The following LEPR variants were observed in gnomAD, a reference collection of about 807,000 sequenced individuals.
LEPR encodes leptin receptor, also known as OB receptor.
In LEPR, 56 loss-of-function variants were observed where a neutral mutation model predicts 114.7. The observed-to-expected ratio is 0.49, with a 90% CI of 0.39 to 0.61. LEPR has a LOEUF of 0.61. Ranked by LOEUF, LEPR falls within the 20% of genes least tolerant of loss-of-function variation. LEPR has a pLI of 0.00. For synonymous variants in LEPR, 443 were observed against 461.4 expected (o/e 0.96, Z 0.51); for missense variants, 1,202 against 1,352.9 (o/e 0.89, Z 1.75).
chr1:65,521,147 G>T (rs193215972), intron 2 of LEPR, among the ~76,000 whole-genome samples: 1 of 152,320 alleles, frequency 6.6e-6, no homozygotes, highest in Admixed American at 6.5e-5. Flanking sequence ...GATGATTCTG[G>T]TGTTAGCTCT....
At chr1:65,488,183 T>G (rs1374028477) in intron 2 of LEPR, among the ~76,000 whole-genome samples, 1 of 20,364 alleles carries the variant, frequency 4.9e-5, no homozygotes, top group African/African-American at 1.9e-4. Flanking sequence ...TTTCTTTCTT[T>G]CTTTCTTTCT....
intron 19 of LEPR, chr1:65,626,345 G>A: frequency 7.8e-7 from 1 of 1,283,870 alleles, no homozygotes; most frequent in Non-Finnish European, 9.9e-7. Flanking sequence ...AATACAGTGG[G>A]TGTGAATGTT....
At chr1:65,480,965 A>G (rs1339423694) in intron 2 of LEPR, among the ~76,000 whole-genome samples, 1 of 152,238 alleles carries the variant, frequency 6.6e-6, no homozygotes, top group Non-Finnish European at 1.5e-5. Context: ...CTTATAACAA[A>G]ATACCATAGA....
chr1:65,427,217 C>T (rs556566996), intron 2 of LEPR, among the ~76,000 whole-genome samples: 9 of 152,262 alleles, frequency 5.9e-5, no homozygotes, highest in African/African-American at 2.2e-4. Context: ...GTATTATTAT[C>T]CTCATTTCTC....
chr1:65,520,942 C>T (rs1270496754), intron 2 of LEPR, among the ~76,000 whole-genome samples: 3 of 152,174 alleles, frequency 2.0e-5, no homozygotes, highest in Non-Finnish European at 4.4e-5. Flanking sequence ...CCAGGTGTTC[C>T]TTGCTCTCAT....
At chr1:65,576,975 G>T in intron 5 of LEPR, 1 of 317,816 alleles carries the variant, frequency 3.1e-6, no homozygotes. Flanking sequence ...AGCCATTATC[G>T]GTGACTTTGT....
At chr1:65,439,961 A>G (rs1002807509) in intron 2 of LEPR, among the ~76,000 whole-genome samples, 22 of 140,690 alleles carry the variant, frequency 1.6e-4, no homozygotes, top group African/African-American at 5.4e-4. Flanking sequence ...AGATCGCACC[A>G]CTGCACTCCA....
At chr1:65,587,312 A>G (rs568385701) in intron 5 of LEPR, among the ~76,000 whole-genome samples, 1 of 152,194 alleles carries the variant, frequency 6.6e-6, no homozygotes, top group South Asian at 2.1e-4. Flanking sequence ...CTTTTATTTT[A>G]ATATTTGAAA....
chr1:65,608,753 T>A lies in LEPR; in HGVS notation c.1604T>A (p.Val535Glu), dbSNP rs1656985088. Residue 535 changes from valine to glutamate, a missense_variant and splice_region_variant, in exon 12 of 20, where the codon GTG (valine) becomes GAG (glutamate). Transcript: ENST00000349533. Reference protein sequence around the residue: ...PPTCVLPDSVVKPLPPSSVKA... With the variant: ...PPTCVLPDSVEKPLPPSSVKA... Reference sequence around the variant, plus strand: ...TTAATACTATTGTAAAAATTTCTAGTGAAGCCACTGCCTCCATCCAGTGTG... The same window carrying A: ...TTAATACTATTGTAAAAATTTCTAGAGAAGCCACTGCCTCCATCCAGTGTG... The A allele has an allele frequency of 6.2e-7, 1 of 1,612,882 alleles. No homozygotes were observed. Among genetic ancestry groups the A allele is most frequent in the South Asian group, 1.1e-5 (1 of 90,926 alleles).
intron 2 of LEPR, among the ~76,000 whole-genome samples, chr1:65,516,085 A>T (rs1649269633): frequency 6.6e-6 from 1 of 152,190 alleles, no homozygotes. Flanking sequence ...TACCATTTGC[A>T]TTTAATGTGT....
At chr1:65,482,797 C>T (rs1647282199) in intron 2 of LEPR, among the ~76,000 whole-genome samples, 1 of 151,998 alleles carries the variant, frequency 6.6e-6, no homozygotes, top group Non-Finnish European at 1.5e-5. Context: ...ACCAGCTTGG[C>T]CAATATGGTG....
Position 65,492,815 on chromosome 1 carries a change from T to C in LEPR, c.-21+67437T>C, listed in dbSNP as rs1028743237. On this transcript the variant is annotated intron_variant, in intron 2 of 19. Coordinates refer to ENST00000349533, the MANE Select transcript of LEPR (RefSeq NM_002303.6). ...CTCATATGTTAAAATTCATCCATCT[T>C]TTTTTTTTTTCCAAAAAAGTGAATA... 7.9e-4 allele frequency among the ~76,000 whole-genome samples: 116 copies of C among 146,964 alleles called. 1 individual carries two copies. The highest frequency in any genetic ancestry group is 2.9e-3 in the African/African-American group (116 of 40,024).
intron 19 of LEPR, among the ~76,000 whole-genome samples, chr1:65,627,909 T>C (rs1452638853): frequency 6.6e-6 from 1 of 152,290 alleles, no homozygotes; most frequent in East Asian, 1.9e-4. Context: ...ATGAAAGTAC[T>C]CTTAACCTGA....
chr1:65,607,492 C>T (rs1656889600), intron 11 of LEPR, among the ~76,000 whole-genome samples: 1 of 152,184 alleles, frequency 6.6e-6, no homozygotes, highest in South Asian at 2.1e-4. Flanking sequence ...AGGAGAGCAC[C>T]TCTTTACCAG....
intron 7 of LEPR, 105 bp from the exon 8 acceptor site, chr1:65,598,555 T>A: frequency 6.6e-7 from 1 of 1,510,184 alleles, no homozygotes; most frequent in Non-Finnish European, 9.0e-7. Context: ...AACTACTGTG[T>A]AAGATATTAA....
chr1:65,566,224 GAC>G (rs1462804629), intron 3 of LEPR, among the ~76,000 whole-genome samples: 5 of 106,424 alleles, frequency 4.7e-5, no homozygotes, highest in Middle Eastern at 6.7e-3. Flanking sequence ...TTTTTTTTGA[GAC>G]GCAGTCTTGC....
intron 2 of LEPR, chr1:65,432,442 G>T: frequency 3.1e-6 from 2 of 642,726 alleles, no homozygotes; most frequent in Non-Finnish European, 3.9e-6. Context: ...GAGATCCAAA[G>T]GAGTTGTATG....
rs570977479 is a variant in LEPR at position 65,527,444 on chromosome 1, C to T, written c.-20-38102C>T. On this transcript the variant is annotated intron_variant, in intron 2 of 19. Transcript: ENST00000349533. ...GAAGGGTTAGTGTACTTCATACTTT[C>T]TTTTTGATTAGAAGAAAATGTCGGG... Among the ~76,000 whole-genome samples, 294 of 152,274 alleles carry T rather than the reference C, an allele frequency of 1.9e-3. 2 individuals carry two copies. The highest frequency in any genetic ancestry group is 6.9e-3 in the African/African-American group (285 of 41,578).
At chr1:65,547,036 A>C (rs1651798877) in intron 2 of LEPR, among the ~76,000 whole-genome samples, 1 of 152,070 alleles carries the variant, frequency 6.6e-6, no homozygotes, top group South Asian at 2.1e-4. Context: ...AATTTTGTCA[A>C]AGGCCTTTTC....
Sources: allele counts gnomAD v4.1 joint callset (sites outside exome capture counted in the v4.1 genomes callset), GRCh38; gene constraint gnomAD v4.1.1; transcripts MANE v1.5; gene names NCBI Gene and HGNC (gene_info 2026-07-23, HGNC 2026-07-21).